The following TP53BP1 variants were observed in gnomAD, a reference collection of about 807,000 sequenced individuals.
The protein encoded by TP53BP1 is tumor protein p53 binding protein 1.
In TP53BP1, 61 loss-of-function variants were observed where a neutral mutation model predicts 200.8. The observed-to-expected ratio is 0.30, with a 90% confidence interval of 0.25 to 0.38. The LOEUF (loss-of-function observed/expected upper bound fraction) is 0.38, where lower values mean the gene tolerates loss of function less well. TP53BP1 is among the 10% of genes least tolerant of loss of function. The pLI is 1.00. For missense variants in TP53BP1, 2,144 were observed against 2,371.9 expected (o/e 0.90, Z 2.00); for synonymous variants, 822 against 844.3 (o/e 0.97, Z 0.46).
At position 43,403,721 on chromosome 15, in the gene TP53BP1, C is replaced by T. The variant is rs755857482; in HGVS notation, c.*3662G>A. 3 of 1,613,366 alleles carry T rather than the reference C, an allele frequency of 1.9e-6. No individual in the cohort carries two copies. Among genetic ancestry groups the T allele is most frequent in the Non-Finnish European group, 1.7e-6 (2 of 1,179,948 alleles). On this transcript the variant is annotated 3_prime_UTR_variant, in exon 28 of 28. Transcript: ENST00000382044. ...TGAATGAAATCCTAGATCTCTGTCA[C>T]AGTTTTTGTTCGCTGGTCAGTCAGA...
chr15:43,421,789 T>G, intron 19 of TP53BP1, 66 bp downstream of exon 19: 2 of 1,573,958 alleles, frequency 1.3e-6, no homozygotes, highest in Non-Finnish European at 1.7e-6. Flanking sequence ...CCTTTTCCTG[T>G]GATATTAAAA....
rs1377474306 is a variant in TP53BP1, at chr15:43,416,432, C to T, written c.4682-16G>A. The T allele has an allele frequency of 4.3e-6, 7 of 1,611,126 alleles. No individual in the cohort carries two copies. Among genetic ancestry groups the T allele is most frequent in the Non-Finnish European group, 5.9e-6 (7 of 1,178,480 alleles). On this transcript the variant is annotated splice_polypyrimidine_tract_variant and intron_variant, in intron 21 of 27. Coordinates refer to ENST00000382044, the MANE Select transcript of TP53BP1 (RefSeq NM_001141980.3). ...TTCACCACTCCTGGGGGGTGGAAAG[C>T]ATAAAAGAAGCTTGCTGTTGTCTTA...
chr15:43,416,938 C>G (rs2142980808), intron 21 of TP53BP1: 1 of 152,594 alleles, frequency 6.6e-6, no homozygotes, highest in East Asian at 1.9e-4. Context: ...CCTAATCTTC[C>G]TCTCTATTAT....
rs779088744 is a variant in TP53BP1, at chr15:43,462,216, CAAAAAAAAAAAAAAAAAAAAAAAA to C, written c.1390-5022_1390-4999del. Among the ~76,000 whole-genome samples the C allele has an allele frequency of 2.6e-4, 9 of 34,098 alleles. No homozygotes were observed. In the South Asian group the frequency reaches 6.7e-3, roughly 25 times the overall value. 22.4% of individuals were successfully genotyped at this position (34,098 alleles called of 152,430 possible). The stretch of plus-strand genomic sequence containing the variant: ...ACACGTGGAGAGCGAGACTTCATCT[CAAAAAAAAAAAAAAAAAAAAAAAA>C]AAAAAAAAAAAAAGCTAAGAGTTGT... On this transcript the variant is annotated intron_variant, in intron 11 of 27. Coordinates refer to ENST00000382044, the MANE Select transcript of TP53BP1 (RefSeq NM_001141980.3).
intron 12 of TP53BP1, among the ~76,000 whole-genome samples, chr15:43,452,979 G>C (rs971880229): frequency 8.6e-5 from 13 of 152,002 alleles, no homozygotes; most frequent in Non-Finnish European, 1.3e-4. Context: ...CGGATCACGA[G>C]GTCAGGAGAT....
intron 11 of TP53BP1, among the ~76,000 whole-genome samples, chr15:43,466,208 C>T (rs199787914): frequency 2.6e-5 from 4 of 152,052 alleles, no homozygotes; most frequent in East Asian, 1.9e-4. Flanking sequence ...TGACAGTGAA[C>T]GGAGGTTAAC....
At position 43,483,269 on chromosome 15, in the gene TP53BP1, C is replaced by T. The variant is rs1440653005; in HGVS notation, c.372-2247G>A. 7.3e-5 allele frequency among the ~76,000 whole-genome samples: 11 copies of T among 151,322 alleles called. No individual in the cohort carries two copies. In the East Asian group the frequency reaches 1.9e-3, roughly 27 times the overall value. The stretch of plus-strand genomic sequence containing the variant: ...ACACACACACACACACACACACACA[C>T]ACAGAACAAATGTATACTCTTTCAT... On this transcript the variant is annotated intron_variant, in intron 4 of 27. Coordinates refer to ENST00000382044, the MANE Select transcript of TP53BP1 (RefSeq NM_001141980.3).
At chr15:43,449,539 TA>T (rs748640067) in intron 12 of TP53BP1, among the ~76,000 whole-genome samples, 2 of 152,248 alleles carry the variant, frequency 1.3e-5, no homozygotes, top group Non-Finnish European at 1.5e-5. Context: ...ACTGCATTAC[TA>T]TAACCTAATG....
At position 43,404,119 on chromosome 15, in the gene TP53BP1, C is replaced by T. The variant is rs2044774349; in HGVS notation, c.*3264G>A. 3 of 514,222 alleles carry T rather than the reference C, an allele frequency of 5.8e-6. No homozygotes were observed. Among genetic ancestry groups the T allele is most frequent in the African/African-American group, 3.8e-5 (2 of 52,608 alleles). The allele number at this position is 514,222 out of a possible 1,614,324, so 31.9% of individuals were successfully genotyped here. ...ACCCCCATCTCACTGAGATAATTAT[C>T]TGCTTGTAATCAAAACGGGTTCTCC... On this transcript the variant is annotated 3_prime_UTR_variant, in exon 28 of 28. Coordinates refer to ENST00000382044, the MANE Select transcript of TP53BP1 (RefSeq NM_001141980.3).
In TP53BP1 at chr15:43,454,286, T is replaced by C. The variant is rs536265563; in HGVS notation, c.2716+1606A>G. ...ATGTAAACCTGCCAAATACTGTTTT[T>C]TCATTTCATCCTAAAAACTTGTTTT... is the stretch of plus-strand genomic sequence containing the variant. On this transcript the variant is annotated intron_variant, in intron 12 of 27. Transcript: ENST00000382044. Among the ~76,000 whole-genome samples, 48 of 152,350 alleles carry C rather than the reference T, an allele frequency of 3.2e-4. 1 individual carries two copies. In the South Asian group the frequency reaches 4.4e-3, roughly 14 times the overall value.
In TP53BP1 at chr15:43,479,476, A is replaced by T. The variant is rs1326883704; in HGVS notation, c.709T>A (p.Ser237Thr). 2 of 1,613,928 alleles carry T rather than the reference A, an allele frequency of 1.2e-6. No homozygotes were observed. The highest frequency in any genetic ancestry group is 2.7e-5 in the African/African-American group (2 of 74,998). ...GCTGTCACAGGGATGTCCTTGCTGG[A>T]CTGTTCTGCTATGGGGATATCTTCG... is the stretch of plus-strand genomic sequence containing the variant. ...SNEDIPIAEQSSKDIPVTAQP... is the reference protein window; with the variant it reads ...SNEDIPIAEQTSKDIPVTAQP... Residue 237 changes from serine to threonine, a missense_variant, in exon 7 of 28, where the codon TCC (serine) becomes ACC (threonine). By Grantham distance (58) the Ser-to-Thr change is moderately conservative. Transcript: ENST00000382044.
chr15:43,434,301 CAG>C (rs1251119334), intron 16 of TP53BP1, among the ~76,000 whole-genome samples: 1 of 151,438 alleles, frequency 6.6e-6, no homozygotes, highest in African/African-American at 2.4e-5. Flanking sequence ...TGCAATTAAA[CAG>C]ACTCAGTTCA....
intron 14 of TP53BP1, among the ~76,000 whole-genome samples, chr15:43,442,146 C>T (rs1482345592): frequency 3.5e-5 from 5 of 142,028 alleles, no homozygotes; most frequent in Admixed American, 7.4e-5. Flanking sequence ...AGTGCAGTGG[C>T]GCAATCTCGG....
chr15:43,408,930 C>G lies in TP53BP1; in HGVS notation c.5567G>C (p.Gly1856Ala). The change falls in exon 26 of 28, where the codon GGG becomes GCG. Residue 1856 changes from glycine (G) to alanine (A), a missense_variant. Physicochemically the swap from Gly to Ala is moderately conservative, Grantham distance 60. This residue lies in a region of TP53BP1 where 334 missense variants were observed against 453.4 expected (regional missense o/e 0.74). Coordinates refer to ENST00000382044, the MANE Select transcript of TP53BP1 (RefSeq NM_001141980.3). ...QNYRNYLLPA[G>A]YSLEEQRILD... The stretch of plus-strand genomic sequence containing the variant: ...AATTCTTTGCTCCTCAAGGCTGTAC[C>G]CAGCTGGCAACAGATAATTACGGTA... 1 of 1,614,106 alleles carries G rather than the reference C, an allele frequency of 6.2e-7. No individual in the cohort carries two copies. The highest frequency in any genetic ancestry group is 8.5e-7 in the Non-Finnish European group (1 of 1,180,020).
In TP53BP1 at chr15:43,446,401, T is replaced by G. The variant is rs374254249; in HGVS notation, c.3026A>C (p.Gln1009Pro). 4.0e-5 allele frequency: 64 copies of G among 1,613,946 alleles called. No individual in the cohort carries two copies. The highest frequency in any genetic ancestry group is 6.7e-5 in the African/African-American group (5 of 74,940). The change falls in exon 14 of 28, where the codon CAG becomes CCG. Residue 1009 changes from glutamine to proline, a missense_variant. Gln to Pro is a moderately conservative substitution (Grantham distance 76). Transcript: ENST00000382044. The part of the protein sequence containing the change: ...PETEASEESL[Q>P]FNLEKPATGE... ...ATAAAACTTACTTTCCAGGTTGAAC[T>G]GCAAAGACTCTTCACTCGCCTCAGT...
intron 12 of TP53BP1, among the ~76,000 whole-genome samples, chr15:43,450,878 TTTAC>T (rs2046150387): frequency 6.6e-6 from 1 of 152,160 alleles, no homozygotes; most frequent in African/African-American, 2.4e-5. Context: ...GCATTATTTA[TTTAC>T]TTATTTATTT....
chr15:43,479,662 G>C (rs1472350499), intron 6 of TP53BP1, 136 bp from the exon 7 acceptor site: 1 of 1,187,490 alleles, frequency 8.4e-7, no homozygotes, highest in Non-Finnish European at 1.2e-6. Flanking sequence ...AGTCTATAAA[G>C]GAAAGTAACC....
At position 43,432,692 on chromosome 15, in the gene TP53BP1, T is replaced by C; in HGVS notation, c.3192-15A>G. 1 of 1,589,516 alleles carries C rather than the reference T, an allele frequency of 6.3e-7. No individual in the cohort carries two copies. Among genetic ancestry groups the C allele is most frequent in the South Asian group, 1.1e-5 (1 of 87,936 alleles). ...GCAAGTTCCCCCTGAAAATGCAACA[T>C]ATAAAGAAGCCATGTCAATTAAGCA... On this transcript the variant is annotated splice_polypyrimidine_tract_variant and intron_variant, in intron 16 of 27. Coordinates refer to ENST00000382044, the MANE Select transcript of TP53BP1 (RefSeq NM_001141980.3).
rs772397113 is a variant in TP53BP1, at chr15:43,407,965, GTGC to G, written c.5721_5723del (p.Gln1907del). On this transcript the variant is annotated inframe_deletion, in exon 27 of 28. Transcript: ENST00000382044. ...TACCTTTGTTATGGGCACTTGAATG[GTGC>G]TGCTTCACAGAGGCTGCACCACCAG... The G allele has an allele frequency of 1.2e-6, 2 of 1,613,614 alleles. No homozygotes were observed. The highest frequency in any genetic ancestry group is 1.7e-6 in the Non-Finnish European group (2 of 1,179,992).
Sources: gnomAD v4.1 joint callset for allele counts (sites outside exome capture counted in the v4.1 genomes callset) on GRCh38, gnomAD v4.1.1 for gene constraint, gnomAD v4.1.1 regional missense constraint, MANE v1.5 for transcripts, NCBI Gene and HGNC (gene_info 2026-07-23, HGNC 2026-07-21) for gene names.